The following UBR3 variants were observed in gnomAD, a reference collection of about 807,000 sequenced individuals.
The protein encoded by UBR3 is ubiquitin protein ligase E3 component n-recognin 3.
UBR3 carries 85 observed loss-of-function variants against 243.2 expected under a neutral mutation model. The observed-to-expected ratio is 0.35, with a 90% CI of 0.29 to 0.42. The LOEUF (loss-of-function observed/expected upper bound fraction) is 0.42, where lower values mean the gene tolerates loss of function less well. Ranked by LOEUF, UBR3 falls within the 10% of genes least tolerant of loss-of-function variation. The pLI, the probability that UBR3 is intolerant of heterozygous loss-of-function variation, is 1.00. For synonymous variants in UBR3, 748 were observed against 799.8 expected (o/e 0.94, Z 1.09); for missense variants, 1,686 against 2,300.8 (o/e 0.73, Z 5.47).
intron 1 of UBR3, among the ~76,000 whole-genome samples, chr2:169,843,498 C>T (rs901495775): frequency 6.6e-6 from 1 of 152,194 alleles, no homozygotes; most frequent in African/African-American, 2.4e-5. Context: ...AAAGGCCCTG[C>T]CTCTTAATAC....
chr2:170,024,929 T>C (rs974600636), intron 30 of UBR3, among the ~76,000 whole-genome samples: 1 of 152,166 alleles, frequency 6.6e-6, no homozygotes, highest in African/African-American at 2.4e-5. Flanking sequence ...AGCAAATAGG[T>C]CAAGCACTGC....
At chr2:169,979,604 T>C (rs1490648045) in intron 24 of UBR3, among the ~76,000 whole-genome samples, 3 of 152,184 alleles carry the variant, frequency 2.0e-5, no homozygotes, top group Non-Finnish European at 4.4e-5. Context: ...CATGAAGACA[T>C]GGATGAATCT....
chr2:170,076,334 A>G (rs1049252024), intron 36 of UBR3, among the ~76,000 whole-genome samples: 5 of 152,362 alleles, frequency 3.3e-5, no homozygotes, highest in African/African-American at 1.2e-4. Context: ...TGCCTGGCTC[A>G]TACACACCCT....
intron 26 of UBR3, among the ~76,000 whole-genome samples, chr2:169,998,765 G>A (rs2089588109): frequency 6.6e-6 from 1 of 152,236 alleles, no homozygotes; most frequent in Non-Finnish European, 1.5e-5. Context: ...ATATAAGACA[G>A]TGCATTCACG....
intron 33 of UBR3, among the ~76,000 whole-genome samples, chr2:170,056,152 C>T (rs1425865298): frequency 6.6e-6 from 1 of 151,570 alleles, no homozygotes; most frequent in South Asian, 2.1e-4. Flanking sequence ...GGACTATAGG[C>T]GCCTGCCACC....
At chr2:169,842,065 CTG>C (rs1364965900) in intron 1 of UBR3, among the ~76,000 whole-genome samples, 3 of 152,116 alleles carry the variant, frequency 2.0e-5, no homozygotes, top group Admixed American at 6.5e-5. Context: ...AATCAGCACT[CTG>C]TGTTTAGCTC....
chr2:170,052,757 C>G (rs1190497576), intron 32 of UBR3, among the ~76,000 whole-genome samples: 1 of 152,082 alleles, frequency 6.6e-6, no homozygotes, highest in Non-Finnish European at 1.5e-5. Flanking sequence ...TTCTGGAGAT[C>G]TAATATACAA....
In UBR3 at chr2:169,926,369, C is replaced by A. The variant is rs546043774; in HGVS notation, c.2152-323C>A. 7.5e-4 allele frequency among the ~76,000 whole-genome samples: 115 copies of A among 152,318 alleles called. 1 individual carries two copies. In the Middle Eastern group the frequency reaches 0.017, roughly 23 times the overall value. On this transcript the variant is annotated intron_variant, in intron 14 of 38. Transcript: ENST00000272793. ...CTGGGAGGCCAAGGCAGGCAGATCA[C>A]TTGAGGCCAGGAGTTTGAGACCAGC...
intron 30 of UBR3, chr2:170,016,755 G>C (rs2090247320): frequency 4.0e-6 from 1 of 251,546 alleles, no homozygotes; most frequent in Non-Finnish European, 7.1e-6. Context: ...CCTGAAAATA[G>C]TAATAAAATT....
intron 26 of UBR3, among the ~76,000 whole-genome samples, chr2:169,999,140 A>G (rs2089602061): frequency 6.6e-6 from 1 of 152,240 alleles, no homozygotes; most frequent in African/African-American, 2.4e-5. Flanking sequence ...TTTATTAAAA[A>G]TACAGATTAA....
chr2:169,891,913 T>C (rs1408029695), intron 6 of UBR3, among the ~76,000 whole-genome samples: 1 of 152,232 alleles, frequency 6.6e-6, no homozygotes, highest in Non-Finnish European at 1.5e-5. Context: ...TACTTGCGAT[T>C]AGTTGACAAG....
At chr2:169,942,422 A>G (rs1342242448) in intron 19 of UBR3, 71 bp from the exon 20 acceptor site, 12 of 1,430,844 alleles carry the variant, frequency 8.4e-6, no homozygotes, top group Non-Finnish European at 1.1e-5. Context: ...ATTGGTGTCT[A>G]TAAATTACAT....
intron 31 of UBR3, among the ~76,000 whole-genome samples, chr2:170,037,689 A>G (rs1424097459): frequency 6.6e-6 from 1 of 152,124 alleles, no homozygotes; most frequent in Non-Finnish European, 1.5e-5. Context: ...CATCTGGCCT[A>G]ACTTGTAATT....
At chr2:169,876,855 C>T (rs1318857902) in intron 3 of UBR3, among the ~76,000 whole-genome samples, 5 of 152,162 alleles carry the variant, frequency 3.3e-5, no homozygotes, top group Non-Finnish European at 7.4e-5. Flanking sequence ...TGAGCCACCA[C>T]GCCCGGCCCT....
At chr2:169,844,142 G>A (rs939849923) in intron 1 of UBR3, among the ~76,000 whole-genome samples, 5 of 151,578 alleles carry the variant, frequency 3.3e-5, no homozygotes, top group Non-Finnish European at 7.4e-5. Context: ...TAGTAGCTGG[G>A]ATTACAGGTG....
intron 30 of UBR3, among the ~76,000 whole-genome samples, chr2:170,020,809 T>A (rs898800758): frequency 1.3e-5 from 2 of 152,216 alleles, no homozygotes; most frequent in South Asian, 2.1e-4. Context: ...TTTTATATTT[T>A]ATTTTGCTCT....
rs998761776 is a variant in UBR3, at chr2:169,925,274, ATTG to A, written c.2023-333_2023-331del. Among the ~76,000 whole-genome samples, 10 of 152,136 alleles carry A rather than the reference ATTG, an allele frequency of 6.6e-5. No homozygotes were observed. In the East Asian group the frequency reaches 9.7e-4, roughly 15 times the overall value. ...TCTTTCTTTAAACATGTATATTAGG[ATTG>A]TTGTTGTTGTTACTTAGGGTTTTCT... is the stretch of plus-strand genomic sequence containing the variant. On this transcript the variant is annotated intron_variant, in intron 13 of 38. Transcript: ENST00000272793.
intron 22 of UBR3, among the ~76,000 whole-genome samples, chr2:169,948,970 C>A (rs2086898471): frequency 6.6e-6 from 1 of 150,990 alleles, no homozygotes; most frequent in Admixed American, 6.6e-5. Flanking sequence ...AAAAACAAAT[C>A]AAAAACAAAT....
At chr2:169,973,819 A>G (rs879884067) in intron 24 of UBR3, among the ~76,000 whole-genome samples, 1 of 152,104 alleles carries the variant, frequency 6.6e-6, no homozygotes, top group Non-Finnish European at 1.5e-5. Context: ...ATTCAGTATA[A>G]TGTTAGCTCT....
Sources: allele counts gnomAD v4.1 joint callset (sites outside exome capture counted in the v4.1 genomes callset), GRCh38; gene constraint gnomAD v4.1.1; transcripts MANE v1.5; gene names NCBI Gene and HGNC (gene_info 2026-07-23, HGNC 2026-07-21).